ZFAND3: variants seen among roughly 807,000 people sequenced by gnomAD.
The protein encoded by ZFAND3 is zinc finger AN1-type containing 3, also known as AN1-type zinc finger protein 3.
A neutral mutation model predicts 29.6 loss-of-function variants in ZFAND3; 10 were observed. The ratio of observed to expected loss-of-function variants is 0.34; its 90% CI spans 0.21 to 0.57. The LOEUF (loss-of-function observed/expected upper bound fraction) is 0.57. ZFAND3 is among the 20% of genes least tolerant of loss of function. ZFAND3 has a pLI of 0.86. For missense variants in ZFAND3, 230 were observed against 304.5 expected (o/e 0.76, Z 1.82); for synonymous variants, 128 against 112.6 (o/e 1.14, Z -0.87).
intron 2 of ZFAND3, among the ~76,000 whole-genome samples, chr6:38,016,555 T>TA (rs1406502302): frequency 1.3e-5 from 2 of 152,256 alleles, no homozygotes; most frequent in Non-Finnish European, 2.9e-5. Flanking sequence ...TCCTCCTGGA[T>TA]AAGCTTGCTT....
intron 4 of ZFAND3, among the ~76,000 whole-genome samples, chr6:38,089,910 A>G (rs766986340): frequency 2.0e-5 from 3 of 152,018 alleles, no homozygotes; most frequent in Non-Finnish European, 2.9e-5. Context: ...CTGGAGTGCA[A>G]TGGTGCGATC....
intron 2 of ZFAND3, 45 bp downstream of exon 2, chr6:37,930,044 TC>T (rs776665029): frequency 3.3e-6 from 5 of 1,526,436 alleles, no homozygotes; most frequent in South Asian, 1.3e-5. Flanking sequence ...CATTTTTCTT[TC>T]TTTTTTTTTT....
chr6:37,947,340 C>T (rs1489687231), intron 2 of ZFAND3, among the ~76,000 whole-genome samples: 1 of 150,802 alleles, frequency 6.6e-6, no homozygotes, highest in Non-Finnish European at 1.5e-5. Flanking sequence ...TAGATGATGC[C>T]ATAACAGGCA....
chr6:37,862,842 C>T (rs1277921812), intron 1 of ZFAND3, among the ~76,000 whole-genome samples: 5 of 151,022 alleles, frequency 3.3e-5, no homozygotes, highest in African/African-American at 1.2e-4. Context: ...CAAAATTTTG[C>T]TGGGAAAAAA....
intron 5 of ZFAND3, among the ~76,000 whole-genome samples, chr6:38,127,035 C>G (rs1488040380): frequency 6.6e-6 from 1 of 152,100 alleles, no homozygotes; most frequent in African/African-American, 2.4e-5. Flanking sequence ...TTTCTACATC[C>G]ATGATCATGT....
chr6:38,067,266 A>T (rs1256331597), intron 3 of ZFAND3, among the ~76,000 whole-genome samples: 1 of 152,248 alleles, frequency 6.6e-6, no homozygotes, highest in Non-Finnish European at 1.5e-5. Context: ...ATGTGCATCT[A>T]AATGGACCCA....
chr6:38,083,978 A>C (rs938086542), intron 4 of ZFAND3, among the ~76,000 whole-genome samples: 5 of 152,136 alleles, frequency 3.3e-5, no homozygotes, highest in Admixed American at 1.3e-4. Context: ...ACAGTTCTTC[A>C]AGATAGTTAT....
chr6:37,835,464 GTTT>G (rs373349669), intron 1 of ZFAND3, among the ~76,000 whole-genome samples: 3 of 137,142 alleles, frequency 2.2e-5, no homozygotes, highest in African/African-American at 2.7e-5. Context: ...GCCTGTAAGA[GTTT>G]TTTTTTTTTT....
chr6:37,872,438 T>C (rs573178817), intron 1 of ZFAND3, among the ~76,000 whole-genome samples: 7 of 152,200 alleles, frequency 4.6e-5, no homozygotes, highest in Non-Finnish European at 8.8e-5. Context: ...TTGTTTTTTG[T>C]TAACCTTTTT....
chr6:37,826,436 GA>G (rs1353805847), intron 1 of ZFAND3, among the ~76,000 whole-genome samples: 1 of 152,124 alleles, frequency 6.6e-6, no homozygotes, highest in Non-Finnish European at 1.5e-5. Context: ...GTCATATGCA[GA>G]AAAGGAGGTT....
At chr6:38,106,664 A>G (rs1392806027) in intron 4 of ZFAND3, among the ~76,000 whole-genome samples, 3 of 151,848 alleles carry the variant, frequency 2.0e-5, no homozygotes, top group Admixed American at 6.6e-5. Context: ...CATACCACTT[A>G]GTATGGCGCT....
chr6:37,875,800 A>G (rs1177049664), intron 1 of ZFAND3, among the ~76,000 whole-genome samples: 1 of 151,564 alleles, frequency 6.6e-6, no homozygotes, highest in Non-Finnish European at 1.5e-5. Flanking sequence ...CTGGGACTTC[A>G]GGCATGCACA....
rs142563110 is a variant in ZFAND3 at position 38,036,321 on chromosome 6, G to A, written c.113-25272G>A. Among the ~76,000 whole-genome samples the A allele has an allele frequency of 5.1e-4, 77 of 152,258 alleles. No homozygotes were observed. In the East Asian group the frequency reaches 0.012, roughly 24 times the overall value. On this transcript the variant is annotated intron_variant, in intron 2 of 5. Transcript: ENST00000287218. ...GACATCAGAAGCTGCATACTGCAGG[G>A]TAAATAGGCTTCACAGAATTATTCC...
chr6:38,113,766 G>A (rs1268971299), intron 4 of ZFAND3, among the ~76,000 whole-genome samples: 2 of 152,124 alleles, frequency 1.3e-5, no homozygotes, highest in Non-Finnish European at 2.9e-5. Context: ...GGATAATATT[G>A]CCACACTGAA....
At chr6:38,149,208 G>GAC (rs1424772855) in intron 5 of ZFAND3, among the ~76,000 whole-genome samples, 2 of 151,932 alleles carry the variant, frequency 1.3e-5, no homozygotes, top group African/African-American at 2.4e-5. Flanking sequence ...AGGAGTGTGA[G>GAC]ACCAGCCTGG....
At position 37,922,570 on chromosome 6, in the gene ZFAND3, T is replaced by C. The variant is rs146888477; in HGVS notation, c.72-7389T>C. ...TTCTGAGAAATGTGCTGTTAGTCGG[T>C]TTCATTGTGGAAACAAATGTTGAAC... On this transcript the variant is annotated intron_variant, in intron 1 of 5. Coordinates refer to ENST00000287218, the MANE Select transcript of ZFAND3 (RefSeq NM_021943.3). Among the ~76,000 whole-genome samples the C allele has an allele frequency of 7.8e-4, 119 of 152,318 alleles. 2 individuals are homozygous for C. In the East Asian group the frequency reaches 0.022, roughly 29 times the overall value.
At chr6:37,843,239 A>C (rs1047627508) in intron 1 of ZFAND3, among the ~76,000 whole-genome samples, 11 of 152,042 alleles carry the variant, frequency 7.2e-5, no homozygotes, top group Admixed American at 2.0e-4. Flanking sequence ...TAATCCCAGC[A>C]CTTTGGGAGG....
At chr6:38,058,566 T>G (rs982077003) in intron 2 of ZFAND3, among the ~76,000 whole-genome samples, 1 of 152,214 alleles carries the variant, frequency 6.6e-6, no homozygotes, top group Non-Finnish European at 1.5e-5. Flanking sequence ...ACTGATCACC[T>G]TAGCAGTTAC....
In ZFAND3 at chr6:37,891,601, A is replaced by C. The variant is rs563982687; in HGVS notation, c.72-38358A>C. Among the ~76,000 whole-genome samples the C allele has an allele frequency of 3.1e-3, 468 of 152,098 alleles. 3 individuals carry two copies. The highest frequency in any genetic ancestry group is 0.011 in the African/African-American group (445 of 41,474). ...TGGGCTAAATAAATAAATAATAAATAAATAAATAAATCATAGAACAACTAG... is the reference window on the plus strand; with the variant it reads ...TGGGCTAAATAAATAAATAATAAATCAATAAATAAATCATAGAACAACTAG... On this transcript the variant is annotated intron_variant, in intron 1 of 5. Transcript: ENST00000287218.
Sources: gnomAD v4.1 joint callset for allele counts (sites outside exome capture counted in the v4.1 genomes callset) on GRCh38, gnomAD v4.1.1 for gene constraint, MANE v1.5 for transcripts, NCBI Gene and HGNC (gene_info 2026-07-23, HGNC 2026-07-21) for gene names.